The following CD82 variants were observed in gnomAD, a reference collection of about 807,000 sequenced individuals.
CD82 encodes CD82 molecule.
A neutral mutation model predicts 37.4 loss-of-function variants in CD82; 36 were observed. That is an observed-to-expected ratio of 0.96 (90% confidence interval 0.74 to 1.27). The LOEUF (loss-of-function observed/expected upper bound fraction) is 1.27, where lower values mean the gene tolerates loss of function less well. Among genes scored for constraint, CD82 ranks in the 50% most tolerant of loss-of-function variants. The pLI is 0.00. For synonymous variants in CD82, 158 were observed against 137.4 expected (o/e 1.15, Z -1.05); for missense variants, 340 against 347.0 (o/e 0.98, Z 0.16).
intron 1 of CD82, among the ~76,000 whole-genome samples, chr11:44,570,052 C>T (rs1253149635): frequency 6.6e-6 from 1 of 152,220 alleles, no homozygotes; most frequent in Admixed American, 6.5e-5. Flanking sequence ...TTCTCAGGCC[C>T]CCAGGGACAC....
intron 1 of CD82, among the ~76,000 whole-genome samples, chr11:44,569,000 A>G (rs1368499242): frequency 6.6e-6 from 1 of 152,170 alleles, no homozygotes; most frequent in Non-Finnish European, 1.5e-5. Flanking sequence ...GGGGGCGGTT[A>G]TGACTTAATC....
chr11:44,610,457 C>T (rs1853464278), intron 6 of CD82, among the ~76,000 whole-genome samples: 1 of 152,230 alleles, frequency 6.6e-6, no homozygotes, highest in African/African-American at 2.4e-5. Context: ...ATGACTCTTA[C>T]ATTTGGATGA....
intron 1 of CD82, among the ~76,000 whole-genome samples, chr11:44,582,939 C>A (rs1853001980): frequency 6.6e-6 from 1 of 152,240 alleles, no homozygotes; most frequent in African/African-American, 2.4e-5. Flanking sequence ...GGCTGGGAAA[C>A]ACTGACTGCC....
chr11:44,568,004 C>A (rs1852761669), intron 1 of CD82, among the ~76,000 whole-genome samples: 1 of 152,162 alleles, frequency 6.6e-6, no homozygotes, highest in South Asian at 2.1e-4. Context: ...TGGGGATATG[C>A]AGTGGGAATA....
chr11:44,615,781 G>A (rs932023713), intron 7 of CD82, among the ~76,000 whole-genome samples: 1 of 152,204 alleles, frequency 6.6e-6, no homozygotes, highest in Non-Finnish European at 1.5e-5. Flanking sequence ...GCCTTCTAGG[G>A]CAAAAGGAGT....
At chr11:44,583,013 G>C (rs186750191) in intron 1 of CD82, among the ~76,000 whole-genome samples, 1 of 152,196 alleles carries the variant, frequency 6.6e-6, no homozygotes, top group Non-Finnish European at 1.5e-5. Flanking sequence ...CAGAAGGGGT[G>C]GGGGTAGGGG....
intron 2 of CD82, among the ~76,000 whole-genome samples, chr11:44,588,458 G>A (rs538054370): frequency 2.0e-5 from 3 of 152,130 alleles, no homozygotes; most frequent in Non-Finnish European, 2.9e-5. Context: ...TCCTGACCTC[G>A]TGATCCGCCC....
At chr11:44,586,990 G>A (rs758980995) in intron 1 of CD82, among the ~76,000 whole-genome samples, 11 of 152,310 alleles carry the variant, frequency 7.2e-5, no homozygotes, top group African/African-American at 2.2e-4. Context: ...TGAGGGTGCC[G>A]TGTAACAACC....
chr11:44,589,298 C>T (rs1258071197), intron 2 of CD82, among the ~76,000 whole-genome samples: 1 of 152,218 alleles, frequency 6.6e-6, no homozygotes, highest in Admixed American at 6.5e-5. Context: ...TCAGTACCTC[C>T]ATCCTGCTGC....
intron 1 of CD82, among the ~76,000 whole-genome samples, chr11:44,569,466 T>C (rs188579456): frequency 4.1e-4 from 62 of 152,302 alleles, no homozygotes; most frequent in Admixed American, 2.7e-3. Context: ...CTGCTGTGTG[T>C]ATGTTGTGTG....
chr11:44,578,339 G>A lies in CD82; in HGVS notation c.-102-9136G>A, dbSNP rs11038066. ...GGAAGAGAGCCAGGGAGCCAGCCCAGGTGTGAGGCCCTGCCTGGTTCTGTC... is the reference window on the plus strand; with the variant it reads ...GGAAGAGAGCCAGGGAGCCAGCCCAAGTGTGAGGCCCTGCCTGGTTCTGTC... On this transcript the variant is annotated intron_variant, in intron 1 of 9. Transcript: ENST00000227155. 2.0e-5 allele frequency among the ~76,000 whole-genome samples: 3 copies of A among 152,294 alleles called. No homozygotes were observed. In the East Asian group the frequency reaches 5.8e-4, roughly 29 times the overall value.
chr11:44,592,132 T>C (rs1174306547), intron 2 of CD82, among the ~76,000 whole-genome samples: 1 of 152,170 alleles, frequency 6.6e-6, no homozygotes, highest in Non-Finnish European at 1.5e-5. Flanking sequence ...ACTTATTCTT[T>C]TCTAAAAGCT....
chr11:44,614,488 C>T (rs1052104465), intron 6 of CD82, among the ~76,000 whole-genome samples: 11 of 152,230 alleles, frequency 7.2e-5, no homozygotes, highest in Non-Finnish European at 1.5e-4. Context: ...CCAGGCTTGG[C>T]GCTAGCCACG....
At chr11:44,611,119 G>A (rs1853474814) in intron 6 of CD82, among the ~76,000 whole-genome samples, 1 of 152,190 alleles carries the variant, frequency 6.6e-6, no homozygotes, top group Non-Finnish European at 1.5e-5. Flanking sequence ...ACACGTGTGA[G>A]CCACCACGCC....
rs112667982 is a variant in CD82 at position 44,619,540 on chromosome 11, A to G, written c.*414A>G. ...CACTTTGGGAGGCCGAGGCGGGTGG[A>G]TCACGAGGTCAGGAGATCGAGACCA... On this transcript the variant is annotated 3_prime_UTR_variant, in exon 10 of 10. Coordinates refer to ENST00000227155, the MANE Select transcript of CD82 (RefSeq NM_002231.4). 5.6e-3 allele frequency: 903 copies of G among 159,938 alleles called. 5 individuals carry two copies. Among genetic ancestry groups the G allele is most frequent in the Non-Finnish European group, 9.2e-3 (669 of 72,414 alleles). 9.9% of individuals were successfully genotyped at this position (159,938 alleles called of 1,614,324 possible).
chr11:44,584,253 A>G (rs1034451386), intron 1 of CD82, among the ~76,000 whole-genome samples: 3 of 152,190 alleles, frequency 2.0e-5, no homozygotes, highest in African/African-American at 7.2e-5. Flanking sequence ...CACAGCTAGG[A>G]GGAAGCAGAG....
At position 44,597,554 on chromosome 11, in the gene CD82, G is replaced by C. The variant is rs538846818; in HGVS notation, c.64-2604G>C. 5.3e-5 allele frequency among the ~76,000 whole-genome samples: 8 copies of C among 152,380 alleles called. No homozygotes were observed. Among genetic ancestry groups the C allele is most frequent in the African/African-American group, 1.4e-4 (6 of 41,584 alleles). On this transcript the variant is annotated intron_variant, in intron 3 of 9. Transcript: ENST00000227155. This position sits in a 1 kb window ranked among gnomAD's most constrained non-coding sequence, Gnocchi z 4.1. Reference sequence around the variant, plus strand: ...ATCAGACCTACAGAGGGACTGAATGGGTAGCCCCGGGGACTTTGCTCTCTG... The same window carrying C: ...ATCAGACCTACAGAGGGACTGAATGCGTAGCCCCGGGGACTTTGCTCTCTG...
At chr11:44,604,877 G>A (rs1485094223) in intron 4 of CD82, 181 bp from the exon 5 acceptor site, 1 of 732,314 alleles carries the variant, frequency 1.4e-6, no homozygotes, top group Non-Finnish European at 2.3e-6. Flanking sequence ...TACTGGGGGA[G>A]GGACACAAGT....
intron 6 of CD82, among the ~76,000 whole-genome samples, chr11:44,608,644 G>A (rs1233881704): frequency 1.3e-5 from 2 of 152,250 alleles, no homozygotes; most frequent in African/African-American, 2.4e-5. Flanking sequence ...GAAATCCAAA[G>A]AAACACTTTA....
Sources: allele counts gnomAD v4.1 joint callset (sites outside exome capture counted in the v4.1 genomes callset), GRCh38; gene constraint gnomAD v4.1.1; non-coding constraint Gnocchi (gnomAD v3.1); transcripts MANE v1.5; gene names NCBI Gene and HGNC (gene_info 2026-07-23, HGNC 2026-07-21).